Variants in CTNND2 observed in about 807,000 individuals in gnomAD.
CTNND2 encodes the protein catenin delta-2.
In CTNND2, 22 loss-of-function variants were observed where a neutral mutation model predicts 144.4. The observed-to-expected ratio is 0.15, with a 90% CI of 0.11 to 0.22. CTNND2 has a LOEUF of 0.22. Ranked by LOEUF, CTNND2 falls within the 10% of genes least tolerant of loss-of-function variation. The pLI is 1.00. For missense variants in CTNND2, 1,353 were observed against 1,618.8 expected (o/e 0.84, Z 2.82); for synonymous variants, 751 against 695.6 (o/e 1.08, Z -1.25).
chr5:11,025,861 T>C (rs749150957), intron 16 of CTNND2, among the ~76,000 whole-genome samples: 1 of 152,196 alleles, frequency 6.6e-6, no homozygotes, highest in Non-Finnish European at 1.5e-5. Context: ...TCTTGATTCC[T>C]CTCCTTCTAC....
chr5:11,754,174 A>C (rs976078022), intron 1 of CTNND2, among the ~76,000 whole-genome samples: 1 of 150,356 alleles, frequency 6.7e-6, no homozygotes. Flanking sequence ...AGTTTCATTC[A>C]TTTCAGGTCT....
At chr5:11,797,901 G>T (rs4629600) in intron 1 of CTNND2, among the ~76,000 whole-genome samples, 148,957 of 152,296 alleles carry the variant, frequency 0.98, 72,920 homozygotes, top group East Asian at 1. Context: ...GTTTATAACT[G>T]TTTTAAATGA....
rs111312764 is a variant in CTNND2 at position 11,715,347 on chromosome 5, A to C, written c.174+16789T>G. On this transcript the variant is annotated intron_variant, in intron 2 of 21. Transcript: ENST00000304623. ...TTGTATGGTAATCTGTTGGGGAAAA[A>C]AAACAAAGGAAAACACACAAACAAA... Among the ~76,000 whole-genome samples the C allele has an allele frequency of 8.6e-3, 1,305 of 152,314 alleles. 11 individuals are homozygous for C. The highest frequency in any genetic ancestry group is 0.015 in the Non-Finnish European group (1,012 of 68,026).
At chr5:11,246,732 TG>T (rs1360875798) in intron 9 of CTNND2, among the ~76,000 whole-genome samples, 1 of 10,030 alleles carries the variant, frequency 1.0e-4, no homozygotes, top group Non-Finnish European at 2.2e-4. Flanking sequence ...GGTGGGGGGG[TG>T]GGGGGTGGTT....
At chr5:11,760,020 G>T (rs1199396940) in intron 1 of CTNND2, among the ~76,000 whole-genome samples, 8 of 140,272 alleles carry the variant, frequency 5.7e-5, no homozygotes, top group Non-Finnish European at 1.1e-4. Flanking sequence ...ACTTTGCCAG[G>T]TCCAGTACTT....
chr5:11,734,643 C>G (rs899696117), intron 1 of CTNND2, among the ~76,000 whole-genome samples: 3 of 152,124 alleles, frequency 2.0e-5, no homozygotes, highest in South Asian at 4.1e-4. Flanking sequence ...CTCCAGGAAC[C>G]AGGGTTGTGT....
At chr5:11,524,291 TCCCTGACTTATGACG>T (rs1402828153) in intron 3 of CTNND2, among the ~76,000 whole-genome samples, 3 of 152,214 alleles carry the variant, frequency 2.0e-5, no homozygotes, top group African/African-American at 4.8e-5. Flanking sequence ...TTGAATTGTT[TCCCTGACTTATGACG>T]CCCTGACTCA....
At chr5:11,408,145 T>A (rs1429800813) in intron 5 of CTNND2, among the ~76,000 whole-genome samples, 1 of 152,148 alleles carries the variant, frequency 6.6e-6, no homozygotes, top group Non-Finnish European at 1.5e-5. Context: ...TACCACAACA[T>A]GCGCTGTTTG....
At chr5:11,314,284 G>A (rs1751285211) in intron 9 of CTNND2, among the ~76,000 whole-genome samples, 1 of 152,096 alleles carries the variant, frequency 6.6e-6, no homozygotes, top group African/African-American at 2.4e-5. Context: ...CTGGAAATGT[G>A]CTCTGTGTTA....
chr5:11,438,892 T>C (rs1764007376), intron 3 of CTNND2, among the ~76,000 whole-genome samples: 1 of 152,174 alleles, frequency 6.6e-6, no homozygotes, highest in Non-Finnish European at 1.5e-5. Context: ...CTTCATTATT[T>C]ATCCCTTTCG....
chr5:11,677,193 C>G (rs950359053), intron 2 of CTNND2, among the ~76,000 whole-genome samples: 1 of 152,322 alleles, frequency 6.6e-6, no homozygotes, highest in African/African-American at 2.4e-5. Context: ...CAGCCAATCA[C>G]AGTAGCCAAG....
At chr5:11,456,465 G>A (rs1382856910) in intron 3 of CTNND2, among the ~76,000 whole-genome samples, 1 of 152,028 alleles carries the variant, frequency 6.6e-6, no homozygotes, top group Admixed American at 6.6e-5. Flanking sequence ...TCCAGACACA[G>A]GTGCTGTGAC....
intron 3 of CTNND2, among the ~76,000 whole-genome samples, chr5:11,483,863 AT>A (rs750469583): frequency 2.2e-4 from 34 of 152,376 alleles, no homozygotes; most frequent in Non-Finnish European, 4.6e-4. Flanking sequence ...GAAGAAAGAA[AT>A]GTACCAGAAT....
intron 16 of CTNND2, among the ~76,000 whole-genome samples, chr5:11,036,740 G>A (rs1037766724): frequency 3.9e-5 from 6 of 152,048 alleles, no homozygotes; most frequent in Non-Finnish European, 5.9e-5. Context: ...CCATCTTTGC[G>A]GTTTCTCAGA....
At chr5:11,703,767 T>G (rs896391409) in intron 2 of CTNND2, among the ~76,000 whole-genome samples, 1 of 152,194 alleles carries the variant, frequency 6.6e-6, no homozygotes, top group African/African-American at 2.4e-5. Flanking sequence ...TTGAATTACT[T>G]ATCTGGATAT....
intron 14 of CTNND2, among the ~76,000 whole-genome samples, chr5:11,108,566 C>T (rs1443816924): frequency 1.3e-5 from 2 of 152,146 alleles, no homozygotes; most frequent in Admixed American, 1.3e-4. Flanking sequence ...GGATCAGAAT[C>T]CTGTTTGAAT....
chr5:11,732,077 A>G, intron 2 of CTNND2, 59 bp downstream of exon 2: 4 of 1,551,920 alleles, frequency 2.6e-6, no homozygotes, highest in South Asian at 1.2e-5. Context: ...ACGTTCATCT[A>G]GAAAAACAAT....
chr5:11,321,151 G>A (rs1297076706), intron 9 of CTNND2, among the ~76,000 whole-genome samples: 2 of 152,060 alleles, frequency 1.3e-5, no homozygotes, highest in Non-Finnish European at 2.9e-5. Context: ...CCAAGCAAAA[G>A]AGAATTAAAA....
At chr5:11,399,071 C>G (rs1212883125) in intron 5 of CTNND2, among the ~76,000 whole-genome samples, 1 of 152,214 alleles carries the variant, frequency 6.6e-6, no homozygotes, top group Non-Finnish European at 1.5e-5. Flanking sequence ...CTCCGAAGGT[C>G]ACATTTTAAT....
Sources: allele counts gnomAD v4.1 joint callset (sites outside exome capture counted in the v4.1 genomes callset), GRCh38; gene constraint gnomAD v4.1.1; transcripts MANE v1.5; gene names NCBI Gene and HGNC (gene_info 2026-07-23, HGNC 2026-07-21).